The following ITPRID1 variants were observed in gnomAD, a reference collection of about 807,000 sequenced individuals.
The protein encoded by ITPRID1 is ITPR interacting domain containing 1.
ITPRID1 carries 96 observed loss-of-function variants against 95.4 expected under a neutral mutation model. The observed-to-expected ratio is 1.01, with a 90% CI of 0.85 to 1.19. The LOEUF is 1.19. ITPRID1 is among the 50% of genes most tolerant of loss of function. The pLI is 0.00. For missense variants in ITPRID1, 1,339 were observed against 1,252.9 expected (o/e 1.07, Z -1.04); for synonymous variants, 510 against 453.6 (o/e 1.12, Z -1.58).
rs185443903 is a variant in ITPRID1 at position 31,625,773 on chromosome 7, A to T, written c.1229-16403A>T. On this transcript the variant is annotated intron_variant, in intron 10 of 14. Coordinates refer to ENST00000615280, the MANE Select transcript of ITPRID1 (RefSeq NM_001257967.3). ...TGTACCCTAAACTTAAAGTATAATT[A>T]AAAAAAAAACAGTTAAAGAATTAGA... Among the ~76,000 whole-genome samples the T allele has an allele frequency of 2.2e-3, 329 of 148,686 alleles. 1 individual carries two copies. The highest frequency in any genetic ancestry group is 7.3e-3 in the African/African-American group (294 of 40,022).
intron 10 of ITPRID1, among the ~76,000 whole-genome samples, chr7:31,596,755 A>G (rs1490181097): frequency 6.6e-6 from 1 of 151,574 alleles, no homozygotes; most frequent in Non-Finnish European, 1.5e-5. Context: ...AAATAAGTGT[A>G]GATGAATATT....
At position 31,655,118 on chromosome 7, in the gene ITPRID1, G is replaced by A. The variant is rs1791234568; in HGVS notation, c.*2289G>A. Among the ~76,000 whole-genome samples the A allele has an allele frequency of 6.6e-6, 1 of 151,966 alleles. No individual in the cohort carries two copies. The highest frequency in any genetic ancestry group is 6.6e-5 in the Admixed American group (1 of 15,250). ...GTATCCCAGCCCAGCATTTTTTACT[G>A]TCCATAAGACATTTTGACCTGGAAG... On this transcript the variant is annotated 3_prime_UTR_variant, in exon 15 of 15. Transcript: ENST00000615280.
intron 1 of ITPRID1, among the ~76,000 whole-genome samples, chr7:31,541,287 T>C (rs1037233394): frequency 6.6e-6 from 1 of 152,204 alleles, no homozygotes; most frequent in Admixed American, 6.5e-5. Context: ...CTGCATAATA[T>C]TAATGAACAT....
In ITPRID1 at chr7:31,592,002, A is replaced by G. The variant is rs1432103776; in HGVS notation, c.1228+8811A>G. Among the ~76,000 whole-genome samples the G allele has an allele frequency of 2.0e-5, 3 of 152,210 alleles. No homozygotes were observed. In the East Asian group the frequency reaches 5.8e-4, roughly 29 times the overall value. ...AATTCAGATAACTTACAAAGAGAAA[A>G]AAATTTCAAATATCTCATTAGCAAC... On this transcript the variant is annotated intron_variant, in intron 10 of 14. Coordinates refer to ENST00000615280, the MANE Select transcript of ITPRID1 (RefSeq NM_001257967.3).
At chr7:31,619,599 C>T (rs949704143) in intron 10 of ITPRID1, among the ~76,000 whole-genome samples, 1 of 151,968 alleles carries the variant, frequency 6.6e-6, no homozygotes, top group Non-Finnish European at 1.5e-5. Context: ...AAAGAGTGTT[C>T]TTTTAACAGT....
chr7:31,606,370 G>C (rs1786621783), intron 10 of ITPRID1, among the ~76,000 whole-genome samples: 1 of 151,918 alleles, frequency 6.6e-6, no homozygotes, highest in Non-Finnish European at 1.5e-5. Context: ...AGATTTCTCA[G>C]GGGCTGTATT....
intron 10 of ITPRID1, among the ~76,000 whole-genome samples, chr7:31,617,656 A>AAAAAAACCCACGATACTCTT (rs1261669541): frequency 6.6e-6 from 1 of 152,136 alleles, no homozygotes; most frequent in Non-Finnish European, 1.5e-5. Flanking sequence ...TTTAAAGGAA[A>AAAAAAACCCACGATACTCTT]AAAAAACCCA....
At chr7:31,598,877 C>T (rs1254591810) in intron 10 of ITPRID1, among the ~76,000 whole-genome samples, 1 of 152,010 alleles carries the variant, frequency 6.6e-6, no homozygotes, top group African/African-American at 2.4e-5. Context: ...TATTTTAGAC[C>T]CAAATGATTG....
intron 1 of ITPRID1, among the ~76,000 whole-genome samples, chr7:31,519,608 CTCTCTCTCTCTCTATATATATA>C (rs1162579102): frequency 5.5e-5 from 3 of 54,704 alleles, no homozygotes; most frequent in African/African-American, 2.0e-4. Context: ...CTCTCTCTCT[CTCTCTCTCTCTCTATATATATA>C]TATATATATA....
Position 31,652,532 on chromosome 7 carries a change from C to T in ITPRID1, c.2838C>T (p.Leu946=), listed in dbSNP as rs1791053359. The stretch of plus-strand genomic sequence containing the variant: ...TTTCCTTTTAGCAGCTGGAGGTTCT[C>T]ACAGCAGAGCCACCTGAACACTATT... ...REGILLQLEV[L]TAEPPEHYSN... is the part of the protein sequence containing the mutation. The change falls in exon 15 of 15, where the codon CTC becomes CTT. Residue 946 remains leucine (L), a synonymous_variant. Transcript: ENST00000615280. 1 of 1,599,732 alleles carries T rather than the reference C, an allele frequency of 6.3e-7. No individual in the cohort carries two copies. The highest frequency in any genetic ancestry group is 8.5e-7 in the Non-Finnish European group (1 of 1,172,008).
Position 31,651,241 on chromosome 7 carries a change from T to G in ITPRID1, c.2683T>G (p.Phe895Val). 6.2e-7 allele frequency: 1 copy of G among 1,613,312 alleles called. No homozygotes were observed. The change falls in exon 13 of 15, where the codon TTT becomes GTT. Residue 895 changes from phenylalanine to valine, a missense_variant. Coordinates refer to ENST00000615280, the MANE Select transcript of ITPRID1 (RefSeq NM_001257967.3). ...GCACCTTATGGGACAGCAGGCCCTC[T>G]TTTCCAGGGACATGTCAGAGGAGGA... ...EQHLMGQQAL[F>V]SRDMSEEERE...
intron 1 of ITPRID1, chr7:31,529,929 G>A (rs1274570012): frequency 1.0e-5 from 9 of 869,912 alleles, no homozygotes; most frequent in East Asian, 8.0e-5. Context: ...AAAGGGCAGC[G>A]ATGGCGTGTT....
At chr7:31,524,204 A>G (rs61522085) in intron 1 of ITPRID1, among the ~76,000 whole-genome samples, 24,396 of 152,186 alleles carry the variant, frequency 0.16, 2,137 homozygotes, top group Middle Eastern at 0.23. Flanking sequence ...CTTTCAACCA[A>G]TAATGCAGTG....
intron 10 of ITPRID1, among the ~76,000 whole-genome samples, chr7:31,629,577 T>C (rs954742463): frequency 2.0e-5 from 3 of 152,182 alleles, no homozygotes; most frequent in Non-Finnish European, 4.4e-5. Flanking sequence ...GAAAATGATA[T>C]GAAAAGATGC....
At chr7:31,552,882 C>CT in intron 2 of ITPRID1, 120 bp from the exon 3 acceptor site, 1 of 1,036,438 alleles carries the variant, frequency 9.6e-7, no homozygotes, top group Admixed American at 2.6e-5. Flanking sequence ...TCATGTATGA[C>CT]TGTGAAGCTG....
At chr7:31,613,200 T>G (rs1181854698) in intron 10 of ITPRID1, among the ~76,000 whole-genome samples, 1 of 152,186 alleles carries the variant, frequency 6.6e-6, no homozygotes, top group African/African-American at 2.4e-5. Context: ...GTTTTAAGGC[T>G]AATGAAGAGC....
intron 10 of ITPRID1, among the ~76,000 whole-genome samples, chr7:31,640,307 T>C (rs38391): frequency 0.16 from 23,848 of 152,152 alleles, 2,348 homozygotes; most frequent in Non-Finnish European, 0.2. Flanking sequence ...TTCTGATGGT[T>C]CTCTTCCCAG....
intron 1 of ITPRID1, among the ~76,000 whole-genome samples, chr7:31,516,693 G>A (rs921746841): frequency 2.6e-5 from 4 of 152,162 alleles, no homozygotes; most frequent in Non-Finnish European, 2.9e-5. Flanking sequence ...GAGCCTATGT[G>A]TCCATTTGCA....
intron 5 of ITPRID1, among the ~76,000 whole-genome samples, chr7:31,558,486 T>G (rs1033225099): frequency 2.0e-5 from 3 of 152,164 alleles, no homozygotes; most frequent in African/African-American, 7.2e-5. Flanking sequence ...ACTTTTTTTT[T>G]ATGTCAGTAA....
Sources: gnomAD v4.1 joint callset for allele counts (sites outside exome capture counted in the v4.1 genomes callset) on GRCh38, gnomAD v4.1.1 for gene constraint, MANE v1.5 for transcripts, NCBI Gene and HGNC (gene_info 2026-07-23, HGNC 2026-07-21) for gene names.